Variants in TRHR observed in about 807,000 individuals in gnomAD.
The protein encoded by TRHR is thyrotropin releasing hormone receptor.
TRHR carries 14 observed loss-of-function variants against 28.0 expected under a neutral mutation model. The observed-to-expected ratio is 0.50, with a 90% CI of 0.33 to 0.78. TRHR has a LOEUF of 0.78. Ranked by LOEUF, TRHR falls within the 30% of genes least tolerant of loss-of-function variation. The probability of loss-of-function intolerance (pLI) is 0.02; values close to 1 mark genes in which losing one functional copy is unlikely to be tolerated. For missense variants in TRHR, 438 were observed against 469.5 expected (o/e 0.93, Z 0.62); for synonymous variants, 176 against 171.9 (o/e 1.02, Z -0.18).
intron 2 of TRHR, 77 bp downstream of exon 2, chr8:109,088,378 C>A: frequency 1.3e-6 from 2 of 1,505,226 alleles, no homozygotes; most frequent in Non-Finnish European, 1.8e-6. Flanking sequence ...CAACTTTTCC[C>A]TGTTTAGCTG....
intron 2 of TRHR, among the ~76,000 whole-genome samples, chr8:109,113,486 G>A (rs1315862708): frequency 6.6e-6 from 1 of 152,074 alleles, no homozygotes; most frequent in Non-Finnish European, 1.5e-5. Context: ...CAGCCCAGAG[G>A]AACCTAAGGA....
intron 2 of TRHR, among the ~76,000 whole-genome samples, chr8:109,109,489 G>A (rs1427083538): frequency 6.7e-6 from 1 of 150,062 alleles, no homozygotes; most frequent in Non-Finnish European, 1.5e-5. Context: ...TAAGCACCAT[G>A]CCTGGTGCAT....
chr8:109,099,196 G>C (rs565489506), intron 2 of TRHR, among the ~76,000 whole-genome samples: 103 of 152,152 alleles, frequency 6.8e-4, no homozygotes, highest in Non-Finnish European at 1.1e-3. Context: ...AGAAATATGG[G>C]ATTGGAAGTG....
At chr8:109,110,375 C>A (rs1407527697) in intron 2 of TRHR, among the ~76,000 whole-genome samples, 1 of 151,712 alleles carries the variant, frequency 6.6e-6, no homozygotes, top group Non-Finnish European at 1.5e-5. Flanking sequence ...ACATCGATAA[C>A]TTGTCTGTGA....
intron 2 of TRHR, among the ~76,000 whole-genome samples, chr8:109,117,408 A>C (rs1811937297): frequency 1.3e-5 from 2 of 151,932 alleles, no homozygotes; most frequent in South Asian, 4.1e-4. Flanking sequence ...ATAAGTATTA[A>C]ATAAGATAAT....
At position 109,120,255 on chromosome 8, in the gene TRHR, G is replaced by C. The variant is rs1329612659; in HGVS notation, c.*800G>C. ...TACAAACTAACATACAATTAAATTTGAAAAGTATAGTCAAGACAAAGCAAG... is the reference window on the plus strand; with the variant it reads ...TACAAACTAACATACAATTAAATTTCAAAAGTATAGTCAAGACAAAGCAAG... On this transcript the variant is annotated 3_prime_UTR_variant, in exon 3 of 3. Transcript: ENST00000518632. Among the ~76,000 whole-genome samples the C allele has an allele frequency of 6.6e-5, 10 of 151,856 alleles. No individual in the cohort carries two copies. The highest frequency in any genetic ancestry group is 6.6e-4 in the Admixed American group (10 of 15,192).
At chr8:109,118,523 T>G (rs1811952929) in intron 2 of TRHR, among the ~76,000 whole-genome samples, 1 of 151,876 alleles carries the variant, frequency 6.6e-6, no homozygotes, top group Admixed American at 6.6e-5. Flanking sequence ...TGCCCTGTGC[T>G]AACATTCTCT....
intron 2 of TRHR, among the ~76,000 whole-genome samples, chr8:109,099,059 A>G (rs1456722271): frequency 6.6e-6 from 1 of 152,218 alleles, no homozygotes; most frequent in Non-Finnish European, 1.5e-5. Flanking sequence ...CAGGATAAGA[A>G]CATGGAAGAA....
In TRHR at chr8:109,119,581, C is replaced by A; in HGVS notation, c.*126C>A. 1.7e-6 allele frequency: 2 copies of A among 1,146,562 alleles called. No individual in the cohort carries two copies. Among genetic ancestry groups the A allele is most frequent in the Non-Finnish European group, 2.5e-6 (2 of 804,566 alleles). 71.0% of individuals were successfully genotyped at this position (1,146,562 alleles called of 1,614,324 possible). A position where few individuals can be genotyped will look rare whatever the true frequency, so the allele number is the denominator to read the frequency against. ...AGATCAGTCTTTGTCAATGCTCTAA[C>A]AAATTCTGGCCCTAGATACTTTAAC... On this transcript the variant is annotated 3_prime_UTR_variant, in exon 3 of 3. Transcript: ENST00000518632.
rs529543592 is a variant in TRHR at position 109,119,610 on chromosome 8, T to C, written c.*155T>C. 1.4e-4 allele frequency: 113 copies of C among 819,058 alleles called. No individual in the cohort carries two copies. The highest frequency in any genetic ancestry group is 2.0e-4 in the Non-Finnish European group (105 of 528,298). 50.7% of individuals were successfully genotyped at this position (819,058 alleles called of 1,614,324 possible). A position where few individuals can be genotyped will look rare whatever the true frequency, so the allele number is the denominator to read the frequency against. On this transcript the variant is annotated 3_prime_UTR_variant, in exon 3 of 3. Coordinates refer to ENST00000518632, the MANE Select transcript of TRHR (RefSeq NM_003301.7). ...TTCTGGCCCTAGATACTTTAACCCA[T>C]GAGGATGATTCAGACTTTCCTTCTT...
In TRHR at chr8:109,119,292, C is replaced by G; in HGVS notation, c.1034C>G (p.Pro345Arg). The change falls in exon 3 of 3, where the codon CCT becomes CGT. Residue 345 changes from proline (P) to arginine (R), a missense_variant. Coordinates refer to ENST00000518632, the MANE Select transcript of TRHR (RefSeq NM_003301.7). Reference sequence around the variant, plus strand: ...TGCAAGCAGAAGCCAACAGAGAAACCTGCTAACTACAGTGTGGCCCTAAAT... The same window carrying G: ...TGCAAGCAGAAGCCAACAGAGAAACGTGCTAACTACAGTGTGGCCCTAAAT... Reference protein sequence around the residue: ...CNCKQKPTEKPANYSVALNYS... With the variant: ...CNCKQKPTEKRANYSVALNYS... The G allele has an allele frequency of 6.2e-7, 1 of 1,612,700 alleles. No individual in the cohort carries two copies. The highest frequency in any genetic ancestry group is 8.5e-7 in the Non-Finnish European group (1 of 1,179,212).
chr8:109,113,929 T>G (rs1036331618), intron 2 of TRHR, among the ~76,000 whole-genome samples: 2 of 152,092 alleles, frequency 1.3e-5, no homozygotes, highest in African/African-American at 2.4e-5. Context: ...TTGAACTGCA[T>G]ATATAGCCCT....
At chr8:109,096,138 C>T (rs548489418) in intron 2 of TRHR, among the ~76,000 whole-genome samples, 6 of 152,308 alleles carry the variant, frequency 3.9e-5, no homozygotes, top group African/African-American at 7.2e-5. Context: ...CCTACATTTT[C>T]GGCTTCCTCT....
chr8:109,100,851 G>A (rs981937286), intron 2 of TRHR, among the ~76,000 whole-genome samples: 2 of 151,996 alleles, frequency 1.3e-5, no homozygotes, highest in African/African-American at 4.8e-5. Flanking sequence ...TGTAGGTGAA[G>A]GGAAGGAAGA....
chr8:109,103,686 C>T (rs543720609), intron 2 of TRHR, among the ~76,000 whole-genome samples: 25 of 152,268 alleles, frequency 1.6e-4, no homozygotes, highest in African/African-American at 3.4e-4. Flanking sequence ...AAATCCAATG[C>T]AGACCCAAAA....
chr8:109,104,912 G>A (rs1428837761), intron 2 of TRHR, among the ~76,000 whole-genome samples: 2 of 152,058 alleles, frequency 1.3e-5, no homozygotes, highest in Non-Finnish European at 2.9e-5. Context: ...TTGAGCCCAG[G>A]AGTTCAAGAG....
rs1563625279 is a variant in TRHR at position 109,106,935 on chromosome 8, G to C, written c.790-12113G>C. On this transcript the variant is annotated intron_variant, in intron 2 of 2. Coordinates refer to ENST00000518632, the MANE Select transcript of TRHR (RefSeq NM_003301.7). ...TGGAATAATGAGAGACAATACATAAGTAAGCCAATGAAGGAACAGGATCCT... is the reference window on the plus strand; with the variant it reads ...TGGAATAATGAGAGACAATACATAACTAAGCCAATGAAGGAACAGGATCCT... Among the ~76,000 whole-genome samples the C allele has an allele frequency of 2.0e-5, 3 of 152,244 alleles. No homozygotes were observed. The South Asian group carries it at 6.2e-4, about 32-fold the overall frequency.
intron 2 of TRHR, among the ~76,000 whole-genome samples, chr8:109,099,008 G>C (rs1811637774): frequency 6.6e-6 from 1 of 152,076 alleles, no homozygotes; most frequent in Non-Finnish European, 1.5e-5. Flanking sequence ...GGTGCCTAGG[G>C]ACATACTGAT....
chr8:109,110,061 C>T (rs1348422369), intron 2 of TRHR, among the ~76,000 whole-genome samples: 4 of 152,160 alleles, frequency 2.6e-5, no homozygotes, highest in African/African-American at 4.8e-5. Flanking sequence ...TCAGCTCATG[C>T]CCCTACTGGT....
Sources: allele counts gnomAD v4.1 joint callset (sites outside exome capture counted in the v4.1 genomes callset), GRCh38; gene constraint gnomAD v4.1.1; transcripts MANE v1.5; gene names NCBI Gene and HGNC (gene_info 2026-07-23, HGNC 2026-07-21).